The following AQP8 variants were observed in gnomAD, a reference collection of about 807,000 sequenced individuals.
AQP8 encodes the protein aquaporin-8.
Under a neutral mutation model 26.1 loss-of-function variants are expected in AQP8, and 14 were observed. The ratio of observed to expected loss-of-function variants is 0.54; its 90% confidence interval spans 0.35 to 0.84. The LOEUF is 0.84. Among genes scored for constraint, AQP8 ranks in the 40% least tolerant of loss-of-function variants. AQP8 has a pLI of 0.01. For missense variants in AQP8, 301 were observed against 340.5 expected (o/e 0.88, Z 0.91); for synonymous variants, 131 against 150.7 (o/e 0.87, Z 0.96).
intron 4 of AQP8, among the ~76,000 whole-genome samples, chr16:25,225,472 C>CTT (rs34470670): frequency 0.023 from 3,240 of 141,796 alleles, 107 homozygotes; most frequent in African/African-American, 0.075. Context: ...CTTACAAGCC[C>CTT]TTTTTTTTTT....
At chr16:25,221,336 C>A (rs917665349) in intron 2 of AQP8, 121 bp from the exon 3 acceptor site, 2 of 1,226,320 alleles carry the variant, frequency 1.6e-6, no homozygotes, top group African/African-American at 1.5e-5. Context: ...TTGAGCTGGG[C>A]CCCGGACTGA....
intron 4 of AQP8, among the ~76,000 whole-genome samples, chr16:25,225,668 C>T (rs1962621842): frequency 6.6e-6 from 1 of 151,964 alleles, no homozygotes; most frequent in South Asian, 2.1e-4. Flanking sequence ...CTTGGCCTCC[C>T]AAAGTGCTGG....
intron 2 of AQP8, among the ~76,000 whole-genome samples, chr16:25,218,266 C>T (rs1041279167): frequency 2.0e-5 from 3 of 152,176 alleles, no homozygotes; most frequent in African/African-American, 7.2e-5. Context: ...CATAGAAGAC[C>T]TGAGCCAGGT....
At position 25,220,018 on chromosome 16, in the gene AQP8, A is replaced by G. The variant is rs139907062; in HGVS notation, c.261-1439A>G. ...CCATTGCACTCCAGCCTGGGTGACA[A>G]AGGGAGACCCTGTCTCAAAAAAAAA... On this transcript the variant is annotated intron_variant, in intron 2 of 5. Coordinates refer to ENST00000219660, the MANE Select transcript of AQP8 (RefSeq NM_001169.3). 6.8e-3 allele frequency among the ~76,000 whole-genome samples: 1,033 copies of G among 151,470 alleles called. 13 individuals are homozygous for G. Among genetic ancestry groups the G allele is most frequent in the African/African-American group, 0.024 (970 of 41,030 alleles).
At chr16:25,218,723 T>C (rs895903373) in intron 2 of AQP8, among the ~76,000 whole-genome samples, 1 of 151,802 alleles carries the variant, frequency 6.6e-6, no homozygotes, top group Non-Finnish European at 1.5e-5. Flanking sequence ...CTACTAAAGA[T>C]ACAAAAATTA....
rs1962603296 is a variant in AQP8 at position 25,224,379 on chromosome 16, G to T, written c.405G>T (p.Glu135Asp). The T allele has an allele frequency of 6.2e-7, 1 of 1,613,718 alleles. No homozygotes were observed. The highest frequency in any genetic ancestry group is 8.5e-7 in the Non-Finnish European group (1 of 1,179,926). Residue 135 changes from glutamate to aspartate, a missense_variant, in exon 4 of 6, where the codon GAG becomes GAT. Transcript: ENST00000219660. The stretch of plus-strand genomic sequence containing the variant: ...CTGTGCAGGCGGTGAGTCCTGAGGA[G>T]AGGTTCTGGAATGCATCTGGGGCGG... ...AALAKAVSPE[E>D]RFWNASGAAF...
At chr16:25,217,633 GAGCAAGTCAT>G (rs1401890307) in intron 2 of AQP8, among the ~76,000 whole-genome samples, 188 bp downstream of exon 2, 7 of 152,238 alleles carry the variant, frequency 4.6e-5, no homozygotes, top group Non-Finnish European at 1.0e-4. Flanking sequence ...TTGTGACTTT[GAGCAAGTCAT>G]TCTCTTTTTG....
At chr16:25,226,403 G>T (rs527878346) in intron 4 of AQP8, among the ~76,000 whole-genome samples, 1 of 152,264 alleles carries the variant, frequency 6.6e-6, no homozygotes, top group South Asian at 2.1e-4. Flanking sequence ...GACTACAGGC[G>T]TGTGCCACTA....
At chr16:25,223,836 T>C (rs866001700) in intron 3 of AQP8, among the ~76,000 whole-genome samples, 1 of 151,862 alleles carries the variant, frequency 6.6e-6, no homozygotes, top group Non-Finnish European at 1.5e-5. Context: ...TTTTCTTTTT[T>C]TTTTTTTTGA....
intron 3 of AQP8, among the ~76,000 whole-genome samples, chr16:25,223,125 C>T (rs1191011909): frequency 6.6e-6 from 1 of 152,266 alleles, no homozygotes; most frequent in African/African-American, 2.4e-5. Context: ...TCAGTATCAT[C>T]CCTATTTTAT....
In AQP8 at chr16:25,217,234, G is replaced by C; in HGVS notation, c.49G>C (p.Ala17Pro). ...TGAGCCTGAATTTGGCAATGACAAGGCCAGGGAGCCGAGCGTGGGTGGCAG... is the reference window on the plus strand; with the variant it reads ...TGAGCCTGAATTTGGCAATGACAAGCCCAGGGAGCCGAGCGTGGGTGGCAG... ...MCEPEFGNDK[A>P]REPSVGGRWR... Residue 17 changes from alanine (A) to proline (P), a missense_variant, in exon 2 of 6, where the codon GCC becomes CCC. Transcript: ENST00000219660. 3 of 1,614,152 alleles carry C rather than the reference G, an allele frequency of 1.9e-6. No homozygotes were observed. The highest frequency in any genetic ancestry group is 2.5e-6 in the Non-Finnish European group (3 of 1,180,036).
intron 4 of AQP8, among the ~76,000 whole-genome samples, chr16:25,226,102 CT>C (rs896297592): frequency 1.3e-5 from 2 of 151,958 alleles, no homozygotes; most frequent in African/African-American, 4.8e-5. Flanking sequence ...GTGGGTGAAC[CT>C]AGTAGGTGTA....
chr16:25,226,674 A>G (rs9933702), intron 4 of AQP8, among the ~76,000 whole-genome samples: 93 of 152,306 alleles, frequency 6.1e-4, no homozygotes, highest in African/African-American at 2.2e-3. Flanking sequence ...CCTATGATAC[A>G]CTTTTTGTTA....
In AQP8 at chr16:25,216,955, C is replaced by T; in HGVS notation, c.-91C>T. 1 of 1,564,790 alleles carries T rather than the reference C, an allele frequency of 6.4e-7. No individual in the cohort carries two copies. Among genetic ancestry groups the T allele is most frequent in the Non-Finnish European group, 8.7e-7 (1 of 1,146,400 alleles). On this transcript the variant is annotated 5_prime_UTR_variant, in exon 1 of 6. Coordinates refer to ENST00000219660, the MANE Select transcript of AQP8 (RefSeq NM_001169.3). ...GAGCCCATAGTGTGATCAGCAGGTCCTGTCCCTAGGAGATAAGAGTATCTT... is the reference window on the plus strand; with the variant it reads ...GAGCCCATAGTGTGATCAGCAGGTCTTGTCCCTAGGAGATAAGAGTATCTT...
chr16:25,225,968 A>G (rs1283279185), intron 4 of AQP8, among the ~76,000 whole-genome samples: 1 of 152,144 alleles, frequency 6.6e-6, no homozygotes, highest in Non-Finnish European at 1.5e-5. Context: ...TTCACTCCTG[A>G]TGACAACCTA....
chr16:25,227,232 A>G, intron 5 of AQP8, 30 bp downstream of exon 5: 1 of 1,613,232 alleles, frequency 6.2e-7, no homozygotes, highest in Non-Finnish European at 8.5e-7. Context: ...TCACCGGCCC[A>G]TTGGATGGGC....
intron 2 of AQP8, among the ~76,000 whole-genome samples, chr16:25,221,000 G>A (rs575996875): frequency 1.3e-5 from 2 of 151,748 alleles, no homozygotes; most frequent in South Asian, 2.1e-4. Flanking sequence ...GCAGTGAGCC[G>A]AGATCACACC....
At chr16:25,228,376 T>A (rs1353512076) in intron 5 of AQP8, 68 bp from the exon 6 acceptor site, 3 of 1,500,844 alleles carry the variant, frequency 2.0e-6, no homozygotes, top group East Asian at 4.5e-5. Context: ...CTTCTGAGCC[T>A]GGAGACATGA....
chr16:25,227,070 G>T lies in AQP8; in HGVS notation c.605G>T (p.Gly202Val). 1.2e-6 allele frequency: 2 copies of T among 1,614,024 alleles called. No homozygotes were observed. The highest frequency in any genetic ancestry group is 8.5e-7 in the Non-Finnish European group (1 of 1,180,034). The change falls in exon 5 of 6, where the codon GGC becomes GTC. Residue 202 changes from glycine to valine, a missense_variant and splice_region_variant. By Grantham distance (109) the Gly-to-Val change is moderately radical (BLOSUM62 -3). Transcript: ENST00000219660. ...FAVTVDILAG[G>V]PVSGGCMNPA... Reference sequence around the variant, plus strand: ...CCTTGGTGCCTGGGTGTTTGCAGGGGCCCTGTGTCTGGAGGCTGCATGAAT... The same window carrying T: ...CCTTGGTGCCTGGGTGTTTGCAGGGTCCCTGTGTCTGGAGGCTGCATGAAT...
Sources: gnomAD v4.1 joint callset for allele counts (sites outside exome capture counted in the v4.1 genomes callset) on GRCh38, gnomAD v4.1.1 for gene constraint, MANE v1.5 for transcripts, NCBI Gene and HGNC (gene_info 2026-07-23, HGNC 2026-07-21) for gene names.